The following IQCM variants were observed in gnomAD, a reference collection of about 807,000 sequenced individuals.
The protein encoded by IQCM is IQ domain-containing protein M.
Under a neutral mutation model 57.6 loss-of-function variants are expected in IQCM, and 45 were observed. The observed-to-expected ratio is 0.78, with a 90% confidence interval of 0.62 to 1.00. The LOEUF (loss-of-function observed/expected upper bound fraction) is 1.00. IQCM is among the 50% of genes least tolerant of loss of function. The pLI, the probability that IQCM is intolerant of heterozygous loss-of-function variation, is 0.00. For missense variants in IQCM, 468 were observed against 511.6 expected (o/e 0.91, Z 0.82); for synonymous variants, 148 against 158.9 (o/e 0.93, Z 0.51).
At chr4:149,360,438 G>T (rs1253288141) in intron 13 of IQCM, among the ~76,000 whole-genome samples, 1 of 152,046 alleles carries the variant, frequency 6.6e-6, no homozygotes, top group East Asian at 1.9e-4. Flanking sequence ...GCATGCTCCG[G>T]AGGTCCTGGA....
At chr4:149,419,890 GA>G (rs1175038672) in intron 13 of IQCM, among the ~76,000 whole-genome samples, 1 of 151,888 alleles carries the variant, frequency 6.6e-6, no homozygotes, top group African/African-American at 2.4e-5. Context: ...CATATGAAAA[GA>G]AAATCAACAT....
intron 13 of IQCM, among the ~76,000 whole-genome samples, chr4:149,367,695 A>G (rs1045892931): frequency 6.6e-5 from 10 of 152,064 alleles, no homozygotes; most frequent in African/African-American, 2.4e-4. Flanking sequence ...TCAAAAGTAT[A>G]TATCATATTA....
chr4:149,624,310 G>T (rs1301135890), intron 7 of IQCM, among the ~76,000 whole-genome samples: 1 of 151,756 alleles, frequency 6.6e-6, no homozygotes, highest in Non-Finnish European at 1.5e-5. Context: ...CTAAGAAATG[G>T]GCTTTTAAAA....
chr4:149,788,379 G>T (rs537296256), intron 2 of IQCM, among the ~76,000 whole-genome samples: 7 of 152,032 alleles, frequency 4.6e-5, no homozygotes, highest in African/African-American at 1.7e-4. Flanking sequence ...ATGACCAGAA[G>T]GTATGTGAGA....
intron 13 of IQCM, among the ~76,000 whole-genome samples, chr4:149,365,136 C>A (rs1454997729): frequency 1.3e-5 from 2 of 152,062 alleles, no homozygotes; most frequent in Non-Finnish European, 2.9e-5. Flanking sequence ...AAACATGATT[C>A]CTTGGATAAA....
intron 13 of IQCM, among the ~76,000 whole-genome samples, chr4:149,368,808 GTA>G (rs1234842441): frequency 3.3e-5 from 3 of 89,828 alleles, no homozygotes; most frequent in Admixed American, 1.2e-4. Flanking sequence ...ATATATACAT[GTA>G]TATATATACA....
At chr4:149,788,579 A>G (rs1040185986) in intron 2 of IQCM, among the ~76,000 whole-genome samples, 1 of 152,218 alleles carries the variant, frequency 6.6e-6, no homozygotes, top group Non-Finnish European at 1.5e-5. Context: ...TACGGAAAAC[A>G]GTATGGAGAT....
Position 149,610,511 on chromosome 4 carries a change from T to C in IQCM, c.681+10618A>G, listed in dbSNP as rs530487939. On this transcript the variant is annotated intron_variant, in intron 8 of 13. Coordinates refer to ENST00000636793, the MANE Select transcript of IQCM (RefSeq NM_001363507.2). ...TATGGTAACATAAACAGCCTGATAGTGGCATAAAAACAAATAGACCAGTGG... is the reference window on the plus strand; with the variant it reads ...TATGGTAACATAAACAGCCTGATAGCGGCATAAAAACAAATAGACCAGTGG... Among the ~76,000 whole-genome samples, 6 of 152,120 alleles carry C rather than the reference T, an allele frequency of 3.9e-5. No homozygotes were observed. In the East Asian group the frequency reaches 1.2e-3, roughly 29 times the overall value.
intron 7 of IQCM, among the ~76,000 whole-genome samples, chr4:149,629,120 A>G (rs1336846575): frequency 6.6e-6 from 1 of 152,212 alleles, no homozygotes. Flanking sequence ...CTCAGTTCTC[A>G]TAGGATCAGG....
chr4:149,440,247 G>A (rs979542570), intron 12 of IQCM, among the ~76,000 whole-genome samples: 17 of 150,722 alleles, frequency 1.1e-4, no homozygotes, highest in African/African-American at 3.2e-4. Flanking sequence ...GATTACAGGC[G>A]TGAGCCACAG....
chr4:149,691,130 G>A (rs1269065331), intron 5 of IQCM: 1 of 152,082 alleles, frequency 6.6e-6, no homozygotes, highest in Non-Finnish European at 1.5e-5. Context: ...TGCCAAATGT[G>A]CTAATTGCTA....
chr4:149,663,496 C>T (rs541705966), intron 7 of IQCM, among the ~76,000 whole-genome samples: 1 of 152,030 alleles, frequency 6.6e-6, no homozygotes, highest in Non-Finnish European at 1.5e-5. Flanking sequence ...TGAATTCCCT[C>T]AGCTTTTGCT....
intron 13 of IQCM, among the ~76,000 whole-genome samples, chr4:149,369,203 CCTGT>C (rs1191590698): frequency 6.6e-6 from 1 of 151,042 alleles, no homozygotes; most frequent in East Asian, 2.0e-4. Context: ...TGCCATCATG[CCTGT>C]CTAATTTTTG....
chr4:149,750,862 T>G (rs1768372160), intron 2 of IQCM, among the ~76,000 whole-genome samples: 1 of 152,236 alleles, frequency 6.6e-6, no homozygotes, highest in Non-Finnish European at 1.5e-5. Context: ...CCAAAACTGT[T>G]CAACTGTTCC....
chr4:149,721,611 A>G (rs1765456691), intron 5 of IQCM, among the ~76,000 whole-genome samples: 1 of 152,132 alleles, frequency 6.6e-6, no homozygotes, highest in Non-Finnish European at 1.5e-5. Context: ...AGTTGCTGCA[A>G]AAGACATTAT....
intron 2 of IQCM, among the ~76,000 whole-genome samples, chr4:149,801,881 T>C (rs1336279815): frequency 6.6e-6 from 1 of 151,936 alleles, no homozygotes; most frequent in East Asian, 1.9e-4. Context: ...TTCAAATAAC[T>C]AAACTAGTAT....
At chr4:149,435,672 A>T (rs1735292770) in intron 12 of IQCM, among the ~76,000 whole-genome samples, 2 of 151,994 alleles carry the variant, frequency 1.3e-5, no homozygotes, top group Non-Finnish European at 2.9e-5. Context: ...TCATGCTGCT[A>T]TTGGCCCTGA....
At chr4:149,519,786 C>T (rs191406684) in intron 12 of IQCM, among the ~76,000 whole-genome samples, 158 of 152,088 alleles carry the variant, frequency 1.0e-3, no homozygotes, top group African/African-American at 3.7e-3. Flanking sequence ...GAGTGGATCA[C>T]GAGGTCAGGA....
rs188034286 is a variant in IQCM at position 149,641,412 on chromosome 4, T to G, written c.566-20168A>C. ...AAAATTATAAATACCATTTTAAAAA[T>G]TAATGTCCTACAAATTAATTGAAGA... On this transcript the variant is annotated intron_variant, in intron 7 of 13. Coordinates refer to ENST00000636793, the MANE Select transcript of IQCM (RefSeq NM_001363507.2). 1.2e-3 allele frequency among the ~76,000 whole-genome samples: 177 copies of G among 152,256 alleles called. 1 individual carries two copies. The Middle Eastern group carries it at 0.014, about 12-fold the overall frequency.
Sources: gnomAD v4.1 joint callset for allele counts (sites outside exome capture counted in the v4.1 genomes callset) on GRCh38, gnomAD v4.1.1 for gene constraint, MANE v1.5 for transcripts, NCBI Gene and HGNC (gene_info 2026-07-23, HGNC 2026-07-21) for gene names.